The following ARHGEF10 variants were observed in gnomAD, a reference collection of about 807,000 sequenced individuals.
ARHGEF10 encodes the protein Rho guanine nucleotide exchange factor 10.
A neutral mutation model predicts 147.4 loss-of-function variants in ARHGEF10; 140 were observed. The observed-to-expected ratio is 0.95, with a 90% confidence interval of 0.83 to 1.09. ARHGEF10 has a LOEUF of 1.09. Ranked by LOEUF, ARHGEF10 falls within the 50% of genes least tolerant of loss-of-function variation. ARHGEF10 has a pLI of 0.00. For missense variants in ARHGEF10, 2,222 were observed against 1,752.7 expected, an observed-to-expected ratio of 1.27 and a Z score of -4.78; for synonymous variants, 902 against 695.8, an observed-to-expected ratio of 1.30 and a Z score of -4.67.
rs66526026 is a variant in ARHGEF10, at chr8:1,892,277, C to CTGTGTGTGTGTGTGTGTG, written c.1183-1258_1183-1241dup. Among the ~76,000 whole-genome samples the CTGTGTGTGTGTGTGTGTG allele has an allele frequency of 5.1e-4, 64 of 126,640 alleles. 1 individual carries two copies. Among genetic ancestry groups the CTGTGTGTGTGTGTGTGTG allele is most frequent in the East Asian group, 2.3e-3 (10 of 4,308 alleles). The allele number at this position is 126,640 out of a possible 152,430, so 83.1% of individuals were successfully genotyped here. ...AGCTGCAGCTTCCCAGCTTCTGGCT[C>CTGTGTGTGTGTGTGTGTG]TGTGTGTGTGTGTGTGTGTGTGTGT... On this transcript the variant is annotated intron_variant, in intron 11 of 28. Coordinates refer to ENST00000349830, the MANE Select transcript of ARHGEF10 (RefSeq NM_014629.4).
chr8:1,901,228 C>G (rs566265261), intron 15 of ARHGEF10, among the ~76,000 whole-genome samples: 2 of 152,276 alleles, frequency 1.3e-5, no homozygotes, highest in Middle Eastern at 6.8e-3. Context: ...CTCCTGCCTT[C>G]TGCCGTAGTC....
rs1398701177 is a variant in ARHGEF10 at position 1,937,989 on chromosome 8, G to A, written c.3222+4047G>A. Among the ~76,000 whole-genome samples, 4 of 152,170 alleles carry A rather than the reference G, an allele frequency of 2.6e-5. No individual in the cohort carries two copies. Among genetic ancestry groups the A allele is most frequent in the South Asian group, 4.1e-4 (2 of 4,828 alleles). On this transcript the variant is annotated intron_variant, in intron 26 of 28. Transcript: ENST00000349830. The surrounding 1 kb of genome is among the most constrained non-coding windows in gnomAD (Gnocchi z 4.9). ...GCGCCATAACAAAGCAGCACTGGGCGAACCAGTAGAGACGCTGAGCCGGGT... is the reference window on the plus strand; with the variant it reads ...GCGCCATAACAAAGCAGCACTGGGCAAACCAGTAGAGACGCTGAGCCGGGT...
At chr8:1,920,591 G>T (rs1047625440) in intron 18 of ARHGEF10, among the ~76,000 whole-genome samples, 3 of 152,078 alleles carry the variant, frequency 2.0e-5, no homozygotes, top group African/African-American at 7.2e-5. Context: ...TGCTCCCAAA[G>T]TGCTGACATT....
At chr8:1,923,170 G>T in intron 19 of ARHGEF10, 91 bp downstream of exon 19, 1 of 1,050,110 alleles carries the variant, frequency 9.5e-7, no homozygotes, top group South Asian at 1.4e-5. Flanking sequence ...TACCAGAAGT[G>T]AGAATTCATT....
At chr8:1,849,816 C>CGG (rs1804898865) in intron 2 of ARHGEF10, among the ~76,000 whole-genome samples, 1 of 68,890 alleles carries the variant, frequency 1.5e-5, no homozygotes, top group Non-Finnish European at 3.1e-5. Context: ...TGCGTGGACA[C>CGG]AGGGCAAATG....
chr8:1,828,053 G>A (rs1482862356), intron 1 of ARHGEF10, among the ~76,000 whole-genome samples: 1 of 152,200 alleles, frequency 6.6e-6, no homozygotes, highest in African/African-American at 2.4e-5. Context: ...GACTCACAGT[G>A]GGGGTTTAAT....
intron 17 of ARHGEF10, 106 bp from the exon 18 acceptor site, chr8:1,909,189 A>G: frequency 6.8e-7 from 1 of 1,461,548 alleles, no homozygotes; most frequent in Non-Finnish European, 9.6e-7. Context: ...CTGAAGAGTT[A>G]CAATTCAGCA....
intron 3 of ARHGEF10, 103 bp from the exon 4 acceptor site, chr8:1,859,794 T>C: frequency 7.1e-7 from 1 of 1,408,384 alleles, no homozygotes; most frequent in South Asian, 1.2e-5. Context: ...TGGCATGGGA[T>C]GATGGTGGGA....
chr8:1,894,381 A>G lies in ARHGEF10; in HGVS notation c.1261-12A>G. On this transcript the variant is annotated splice_polypyrimidine_tract_variant and intron_variant, in intron 12 of 28. Transcript: ENST00000349830. ...AGAAAAGTCTGAACTGTCTTTGCTCATTTTGTCTTAGCAATATGAGAAGCC... is the reference window on the plus strand; with the variant it reads ...AGAAAAGTCTGAACTGTCTTTGCTCGTTTTGTCTTAGCAATATGAGAAGCC... 6.2e-7 allele frequency: 1 copy of G among 1,614,060 alleles called. No individual in the cohort carries two copies. Among genetic ancestry groups the G allele is most frequent in the Non-Finnish European group, 8.5e-7 (1 of 1,180,010 alleles).
At chr8:1,926,489 T>C (rs752404765) in intron 23 of ARHGEF10, 26 bp downstream of exon 23, 1 of 1,597,498 alleles carries the variant, frequency 6.3e-7, no homozygotes, top group South Asian at 1.1e-5. Flanking sequence ...TTGGTTTTGG[T>C]ACAAGTTCAC....
At position 1,923,079 on chromosome 8, in the gene ARHGEF10, G is replaced by C. The variant is rs1363487455; in HGVS notation, c.2259G>C (p.Gln753His). The C allele has an allele frequency of 1.3e-6, 2 of 1,591,742 alleles. No individual in the cohort carries two copies. Among genetic ancestry groups the C allele is most frequent in the Non-Finnish European group, 1.7e-6 (2 of 1,160,918 alleles). ...QLIGNLKGNY[Q>H]NLNQSVAHDW... is the part of the protein sequence containing the mutation. ...TAGGAAACCTTAAAGGAAACTATCAGGTAACAATTGAAGCAATTGGATTTA... is the reference window on the plus strand; with the variant it reads ...TAGGAAACCTTAAAGGAAACTATCACGTAACAATTGAAGCAATTGGATTTA... The change falls in exon 19 of 29, where the codon CAG becomes CAC. Residue 753 changes from glutamine (Q) to histidine (H), a missense_variant and splice_region_variant. Transcript: ENST00000349830.
At chr8:1,892,081 C>T (rs895430133) in intron 11 of ARHGEF10, among the ~76,000 whole-genome samples, 2 of 151,198 alleles carry the variant, frequency 1.3e-5, no homozygotes, top group African/African-American at 4.9e-5. Flanking sequence ...GTTTGACCCC[C>T]ACAACTGTGA....
At chr8:1,886,581 A>G (rs1331922323) in intron 11 of ARHGEF10, among the ~76,000 whole-genome samples, 21 of 152,208 alleles carry the variant, frequency 1.4e-4, no homozygotes, top group Non-Finnish European at 8.8e-5. Flanking sequence ...TGACTGAAGT[A>G]TTAGTTTTGT....
intron 18 of ARHGEF10, among the ~76,000 whole-genome samples, chr8:1,913,592 C>G (rs1811535022): frequency 6.6e-6 from 1 of 152,164 alleles, no homozygotes; most frequent in African/African-American, 2.4e-5. Context: ...GTTATTGGAC[C>G]AGCATCTACC....
At chr8:1,944,943 G>A (rs533088071) in intron 26 of ARHGEF10, among the ~76,000 whole-genome samples, 65 of 152,378 alleles carry the variant, frequency 4.3e-4, no homozygotes, top group African/African-American at 1.5e-3. Flanking sequence ...AGAGCAGGCC[G>A]CTGGGATGCA....
At chr8:1,930,518 G>C (rs1813040760) in intron 25 of ARHGEF10, among the ~76,000 whole-genome samples, 1 of 148,002 alleles carries the variant, frequency 6.8e-6, no homozygotes, top group Non-Finnish European at 1.5e-5. Context: ...AAAATTGTGT[G>C]GTGAGTCCCC....
At chr8:1,866,665 G>A (rs557319237) in intron 6 of ARHGEF10, 63 bp downstream of exon 6, 15 of 1,491,476 alleles carry the variant, frequency 1.0e-5, no homozygotes, top group Non-Finnish European at 1.4e-5. Context: ...CACTGCGGCG[G>A]GGCCGGGTCC....
At chr8:1,858,906 A>AT (rs1805834015) in intron 3 of ARHGEF10, 1 of 89,342 alleles carries the variant, frequency 1.1e-5, no homozygotes, top group African/African-American at 4.3e-5. Context: ...GGTTGTTTGC[A>AT]TGCCGTTTCT....
intron 26 of ARHGEF10, among the ~76,000 whole-genome samples, 162 bp from the exon 27 acceptor site, chr8:1,945,319 G>A (rs540283040): frequency 4.6e-5 from 7 of 152,360 alleles, no homozygotes; most frequent in Admixed American, 3.9e-4. Context: ...AGGCAGTTGG[G>A]TTGCTGGTGT....
Sources: allele counts gnomAD v4.1 joint callset (sites outside exome capture counted in the v4.1 genomes callset), GRCh38; gene constraint gnomAD v4.1.1; non-coding constraint Gnocchi (gnomAD v3.1); transcripts MANE v1.5; gene names NCBI Gene and HGNC (gene_info 2026-07-23, HGNC 2026-07-21).